SNX29: variants seen among roughly 807,000 people sequenced by gnomAD.
The protein encoded by SNX29 is sorting nexin 29.
SNX29 carries 78 observed loss-of-function variants against 102.1 expected under a neutral mutation model. The ratio of observed to expected loss-of-function variants is 0.76; its 90% confidence interval spans 0.64 to 0.92. The LOEUF is 0.92. Ranked by LOEUF, SNX29 falls within the 40% of genes least tolerant of loss-of-function variation. The pLI is 0.00. For synonymous variants in SNX29, 580 were observed against 414.5 expected (o/e 1.40, Z -4.85); for missense variants, 1,280 against 1,061.7 (o/e 1.21, Z -2.86).
intron 3 of SNX29, among the ~76,000 whole-genome samples, chr16:12,010,277 G>C (rs1315627238): frequency 6.6e-6 from 1 of 152,150 alleles, no homozygotes; most frequent in Non-Finnish European, 1.5e-5. Context: ...GGATCTCTTT[G>C]CCATATGGGT....
intron 18 of SNX29, among the ~76,000 whole-genome samples, chr16:12,434,753 C>T (rs926533114): frequency 6.6e-6 from 1 of 152,214 alleles, no homozygotes; most frequent in South Asian, 2.1e-4. Flanking sequence ...GTCAGACAGG[C>T]CTTTGCTCCA....
chr16:12,493,203 T>C (rs1040491818), intron 19 of SNX29, among the ~76,000 whole-genome samples: 2 of 152,220 alleles, frequency 1.3e-5, no homozygotes, highest in Non-Finnish European at 2.9e-5. Context: ...GTTCCTCTTT[T>C]ATTTCCTTGA....
chr16:12,170,018 T>G (rs190388607), intron 13 of SNX29, among the ~76,000 whole-genome samples: 1 of 152,142 alleles, frequency 6.6e-6, no homozygotes, highest in Non-Finnish European at 1.5e-5. Flanking sequence ...AGATCGGGTT[T>G]CTTGCTCTCC....
chr16:12,285,818 T>TA (rs1164947995), intron 15 of SNX29, among the ~76,000 whole-genome samples: 1 of 152,230 alleles, frequency 6.6e-6, no homozygotes, highest in Non-Finnish European at 1.5e-5. Flanking sequence ...ATTAAACTGA[T>TA]ACTCAAAATG....
chr16:12,486,116 T>C (rs1385261572), intron 19 of SNX29, among the ~76,000 whole-genome samples: 2 of 152,342 alleles, frequency 1.3e-5, no homozygotes, highest in Admixed American at 6.5e-5. Context: ...CCTTGCCTTT[T>C]CCAGCTTAGA....
intron 10 of SNX29, among the ~76,000 whole-genome samples, chr16:12,077,386 G>GGGGT (rs1555455673): frequency 2.8e-5 from 4 of 142,786 alleles, no homozygotes; most frequent in Non-Finnish European, 6.1e-5. Flanking sequence ...TCCTAGTCAT[G>GGGGT]GTGTGTGTGT....
intron 14 of SNX29, among the ~76,000 whole-genome samples, chr16:12,275,116 A>G (rs779457503): frequency 2.0e-5 from 3 of 152,168 alleles, no homozygotes; most frequent in Non-Finnish European, 4.4e-5. Flanking sequence ...GGGGTTAGAA[A>G]TTGATCCAAA....
At chr16:12,467,414 G>C (rs1184379077) in intron 18 of SNX29, among the ~76,000 whole-genome samples, 1 of 152,168 alleles carries the variant, frequency 6.6e-6, no homozygotes, top group East Asian at 1.9e-4. Flanking sequence ...ACAGTCCCAT[G>C]CTCTGAGCAG....
chr16:12,037,528 A>G (rs577689033), intron 4 of SNX29, among the ~76,000 whole-genome samples: 59 of 152,276 alleles, frequency 3.9e-4, no homozygotes, highest in African/African-American at 1.1e-3. Flanking sequence ...TGCATATGCC[A>G]TGGTTCCGGC....
intron 15 of SNX29, among the ~76,000 whole-genome samples, chr16:12,345,593 A>G (rs2081772607): frequency 6.6e-6 from 1 of 152,218 alleles, no homozygotes; most frequent in Admixed American, 6.5e-5. Context: ...CTCAGAAAAC[A>G]GTAACTGTTG....
chr16:12,326,977 T>G (rs1273875827), intron 15 of SNX29, among the ~76,000 whole-genome samples: 1 of 152,126 alleles, frequency 6.6e-6, no homozygotes, highest in Non-Finnish European at 1.5e-5. Context: ...CACTGAAGGC[T>G]TTGGGGGCGT....
At chr16:12,294,906 G>C (rs999000430) in intron 15 of SNX29, among the ~76,000 whole-genome samples, 43 of 151,406 alleles carry the variant, frequency 2.8e-4, no homozygotes, top group African/African-American at 1.0e-3. Context: ...AAAAAAAAAA[G>C]GCTTAATGGA....
rs533464203 is a variant in SNX29 at position 12,258,272 on chromosome 16, C to T, written c.1679-19661C>T. 5.9e-5 allele frequency among the ~76,000 whole-genome samples: 9 copies of T among 152,352 alleles called. No homozygotes were observed. The East Asian group carries it at 1.3e-3, about 23-fold the overall frequency. On this transcript the variant is annotated intron_variant, in intron 14 of 20. Coordinates refer to ENST00000566228, the MANE Select transcript of SNX29 (RefSeq NM_032167.5). ...CCTGCTCTGACCTGTCACCTCGTCT[C>T]TGTGTGTACCTTCTTTCAGTCACAG...
chr16:12,408,157 C>CCAA (rs140129130), intron 18 of SNX29, among the ~76,000 whole-genome samples: 4 of 142,990 alleles, frequency 2.8e-5, no homozygotes, highest in Admixed American at 1.4e-4. Context: ...GGACCCTTCT[C>CCAA]AAAAAAACAA....
Position 12,571,584 on chromosome 16 carries a change from C to G in SNX29, c.*2955C>G, listed in dbSNP as rs2079188833. On this transcript the variant is annotated 3_prime_UTR_variant, in exon 21 of 21. Transcript: ENST00000566228. Reference sequence around the variant, plus strand: ...CGAATCCTTCTGTCTTCATGGCCTGCTGTGCTGAAACAGAACAGCAGGTTC... The same window carrying G: ...CGAATCCTTCTGTCTTCATGGCCTGGTGTGCTGAAACAGAACAGCAGGTTC... 1 of 1,049,790 alleles carries G rather than the reference C, an allele frequency of 9.5e-7. No individual in the cohort carries two copies. The allele number at this position is 1,049,790 out of a possible 1,614,324, so 65.0% of individuals were successfully genotyped here. A position where few individuals can be genotyped will look rare whatever the true frequency, so the allele number is the denominator to read the frequency against.
intron 13 of SNX29, among the ~76,000 whole-genome samples, chr16:12,147,382 T>C (rs1370768656): frequency 1.3e-5 from 2 of 152,200 alleles, no homozygotes; most frequent in South Asian, 4.1e-4. Flanking sequence ...ACAGAACTCT[T>C]ATGAAAAGGT....
At chr16:12,544,279 C>A (rs754889602) in intron 20 of SNX29, among the ~76,000 whole-genome samples, 3 of 152,176 alleles carry the variant, frequency 2.0e-5, no homozygotes. Flanking sequence ...ACTTTACACT[C>A]TCAGTACGGC....
At chr16:12,559,692 G>T (rs9939547) in intron 20 of SNX29, among the ~76,000 whole-genome samples, 87 of 151,956 alleles carry the variant, frequency 5.7e-4, no homozygotes, top group Non-Finnish European at 9.0e-4. Flanking sequence ...GTAACTTCTC[G>T]AGCTTCCCAT....
chr16:12,280,856 A>T (rs2079407998), intron 15 of SNX29, among the ~76,000 whole-genome samples: 1 of 152,212 alleles, frequency 6.6e-6, no homozygotes, highest in South Asian at 2.1e-4. Context: ...GGAAAAGTTG[A>T]TATAGTTTCT....
Sources: gnomAD v4.1 joint callset for allele counts (sites outside exome capture counted in the v4.1 genomes callset) on GRCh38, gnomAD v4.1.1 for gene constraint, MANE v1.5 for transcripts, NCBI Gene and HGNC (gene_info 2026-07-23, HGNC 2026-07-21) for gene names.